KAT6A: variants seen among roughly 807,000 people sequenced by gnomAD.
KAT6A encodes the protein histone acetyltransferase KAT6A.
Under a neutral mutation model 198.4 loss-of-function variants are expected in KAT6A, and 9 were observed. That is an observed-to-expected ratio of 0.05 (90% CI 0.03 to 0.08). The LOEUF is 0.08. Ranked by LOEUF, KAT6A falls within the 10% of genes least tolerant of loss-of-function variation. KAT6A has a pLI of 1.00. For synonymous variants in KAT6A, 890 were observed against 883.0 expected (o/e 1.01, Z -0.14); for missense variants, 2,077 against 2,509.9 (o/e 0.83, Z 3.69).
chr8:41,939,698 A>G (rs1822010495), intron 15 of KAT6A, among the ~76,000 whole-genome samples: 2 of 152,238 alleles, frequency 1.3e-5, no homozygotes, highest in Admixed American at 1.3e-4. Context: ...AAAACTATGA[A>G]GGCCATCGAA....
intron 2 of KAT6A, among the ~76,000 whole-genome samples, chr8:41,991,116 C>T (rs983313794): frequency 2.6e-5 from 4 of 151,922 alleles, no homozygotes; most frequent in Admixed American, 2.6e-4. Flanking sequence ...TGAACATGTC[C>T]ATACCACATG....
chr8:41,968,422 G>A (rs1389890732), intron 8 of KAT6A, among the ~76,000 whole-genome samples: 1 of 152,186 alleles, frequency 6.6e-6, no homozygotes, highest in African/African-American at 2.4e-5. Context: ...AAACCACAGT[G>A]AGATATCATC....
In KAT6A at chr8:41,974,831, A is replaced by T. The variant is rs75568702; in HGVS notation, c.1364-9T>A. 1.9e-5 allele frequency: 30 copies of T among 1,553,644 alleles called. No individual in the cohort carries two copies. In the Admixed American group the frequency reaches 5.3e-4, roughly 27 times the overall value. The stretch of plus-strand genomic sequence containing the variant: ...CCAGCCATCCTGATTGTCTACATAT[A>T]AAAAAAGAGCTCACATGTTAACTGT... On this transcript the variant is annotated splice_polypyrimidine_tract_variant and intron_variant, in intron 7 of 16. Transcript: ENST00000265713.
chr8:42,035,066 T>C (rs559025720), intron 2 of KAT6A, among the ~76,000 whole-genome samples: 1 of 152,274 alleles, frequency 6.6e-6, no homozygotes, highest in African/African-American at 2.4e-5. Context: ...ATGAAGAAAC[T>C]ACTAAGGTAA....
Position 42,021,012 on chromosome 8 carries a change from T to G in KAT6A, c.600+27366A>C, listed in dbSNP as rs191904546. Among the ~76,000 whole-genome samples, 268 of 151,996 alleles carry G rather than the reference T, an allele frequency of 1.8e-3. 1 individual carries two copies. Among genetic ancestry groups the G allele is most frequent in the African/African-American group, 5.8e-3 (238 of 41,332 alleles). On this transcript the variant is annotated intron_variant, in intron 2 of 16. Coordinates refer to ENST00000265713, the MANE Select transcript of KAT6A (RefSeq NM_006766.5). The stretch of plus-strand genomic sequence containing the variant: ...TCTGCTTGTTGTTGTTGTTGTTGTT[T>G]TTTATGAGGAAGTTTGCTGTCCTTG...
At chr8:41,977,650 T>C (rs1479789143) in intron 6 of KAT6A, among the ~76,000 whole-genome samples, 1 of 152,188 alleles carries the variant, frequency 6.6e-6, no homozygotes, top group African/African-American at 2.4e-5. Flanking sequence ...TGCCTTCATC[T>C]GTAAAATGAG....
chr8:41,972,797 A>G (rs1445181935), intron 8 of KAT6A, among the ~76,000 whole-genome samples: 1 of 152,228 alleles, frequency 6.6e-6, no homozygotes, highest in Non-Finnish European at 1.5e-5. Flanking sequence ...CACACAAAAA[A>G]TTAGGAGTAA....
At chr8:42,014,684 A>T (rs1173527123) in intron 2 of KAT6A, among the ~76,000 whole-genome samples, 1 of 152,210 alleles carries the variant, frequency 6.6e-6, no homozygotes, top group African/African-American at 2.4e-5. Flanking sequence ...AAAAGATTAA[A>T]TGGGGCTCGG....
Position 41,976,250 on chromosome 8 carries a change from G to A in KAT6A, c.1363+758C>T, listed in dbSNP as rs868645705. Reference sequence around the variant, plus strand: ...CCTCTGGCCCTTGTGGTCCAAAAGAGTTCATTCTCATTCTACTTTCTTCAA... The same window carrying A: ...CCTCTGGCCCTTGTGGTCCAAAAGAATTCATTCTCATTCTACTTTCTTCAA... On this transcript the variant is annotated intron_variant, in intron 7 of 16. Coordinates refer to ENST00000265713, the MANE Select transcript of KAT6A (RefSeq NM_006766.5). Among the ~76,000 whole-genome samples the A allele has an allele frequency of 2.6e-5, 4 of 152,294 alleles. No homozygotes were observed. The Middle Eastern group carries it at 0.01, about 389-fold the overall frequency.
At chr8:41,944,070 A>G in intron 12 of KAT6A, 91 bp from the exon 13 acceptor site, 1 of 804,110 alleles carries the variant, frequency 1.2e-6, no homozygotes, top group East Asian at 2.6e-5. Flanking sequence ...TTCTACAACC[A>G]AGAATAACTC....
intron 2 of KAT6A, among the ~76,000 whole-genome samples, chr8:42,001,969 T>C (rs575572628): frequency 6.6e-6 from 1 of 152,316 alleles, no homozygotes; most frequent in South Asian, 2.1e-4. Context: ...AATTATAAAA[T>C]CGTAACATTC....
chr8:42,044,729 C>A (rs529383496), intron 2 of KAT6A, among the ~76,000 whole-genome samples: 1 of 152,318 alleles, frequency 6.6e-6, no homozygotes, highest in Non-Finnish European at 1.5e-5. Context: ...ATTAGCATCC[C>A]AGAGAAGACA....
rs1587827591 is a variant in KAT6A, at chr8:42,015,393, A to T, written c.601-27830T>A. On this transcript the variant is annotated intron_variant, in intron 2 of 16. Coordinates refer to ENST00000265713, the MANE Select transcript of KAT6A (RefSeq NM_006766.5). Reference sequence around the variant, plus strand: ...AGATACCACGACAGCACTTAAAAGCAGATCCTATACAAAGTCTTTCTTGCC... The same window carrying T: ...AGATACCACGACAGCACTTAAAAGCTGATCCTATACAAAGTCTTTCTTGCC... 2.0e-5 allele frequency among the ~76,000 whole-genome samples: 3 copies of T among 152,376 alleles called. No individual in the cohort carries two copies. The South Asian group carries it at 6.2e-4, about 32-fold the overall frequency.
At chr8:42,004,647 C>T (rs760429709) in intron 2 of KAT6A, among the ~76,000 whole-genome samples, 8 of 152,074 alleles carry the variant, frequency 5.3e-5, no homozygotes, top group South Asian at 2.1e-4. Context: ...CTACTTCGGC[C>T]GGGTGCGGTG....
At chr8:41,959,151 A>ACT (rs58970515) in intron 8 of KAT6A, among the ~76,000 whole-genome samples, 99,122 of 137,664 alleles carry the variant, frequency 0.72, 37,000 homozygotes, top group African/African-American at 0.93. Context: ...ACAGAGCCAG[A>ACT]CTGTCTCGAA....
chr8:41,965,112 A>C (rs1397958975), intron 8 of KAT6A, among the ~76,000 whole-genome samples: 1 of 152,168 alleles, frequency 6.6e-6, no homozygotes, highest in Non-Finnish European at 1.5e-5. Context: ...AGGTGTTGTA[A>C]GACAGGCAGT....
chr8:41,942,714 A>AT, intron 14 of KAT6A, 79 bp downstream of exon 14: 1 of 1,443,832 alleles, frequency 6.9e-7, no homozygotes. Flanking sequence ...AAAGATGATC[A>AT]TAATACATTA....
intron 2 of KAT6A, among the ~76,000 whole-genome samples, chr8:42,037,796 C>G (rs950712785): frequency 2.7e-5 from 4 of 150,472 alleles, no homozygotes; most frequent in African/African-American, 9.8e-5. Flanking sequence ...TTACAAACAT[C>G]TGTCCTCAAT....
At position 41,941,095 on chromosome 8, in the gene KAT6A, T is replaced by C. The variant is rs776557780; in HGVS notation, c.2786A>G (p.Gln929Arg). 2 of 1,614,248 alleles carry C rather than the reference T, an allele frequency of 1.2e-6. No individual in the cohort carries two copies. The highest frequency in any genetic ancestry group is 8.5e-7 in the Non-Finnish European group (1 of 1,180,040). Residue 929 changes from glutamine to arginine, a missense_variant, in exon 15 of 17, where the codon CAG becomes CGG. Coordinates refer to ENST00000265713, the MANE Select transcript of KAT6A (RefSeq NM_006766.5). ...CTTGGGAAGGTCAGGTTTCCCGTCCTGGCTTGGCTGCTCCTCAGAAGCCAC... is the reference window on the plus strand; with the variant it reads ...CTTGGGAAGGTCAGGTTTCCCGTCCCGGCTTGGCTGCTCCTCAGAAGCCAC... The part of the protein sequence containing the change: ...QLVASEEQPS[Q>R]DGKPDLPKRR...
Sources: allele counts gnomAD v4.1 joint callset (sites outside exome capture counted in the v4.1 genomes callset), GRCh38; gene constraint gnomAD v4.1.1; transcripts MANE v1.5; gene names NCBI Gene and HGNC (gene_info 2026-07-23, HGNC 2026-07-21).